TBC1D5: variants seen among roughly 807,000 people sequenced by gnomAD.
TBC1D5 encodes the protein TBC1 domain family member 5.
In TBC1D5, 75 loss-of-function variants were observed where a neutral mutation model predicts 100.3. That is an observed-to-expected ratio of 0.75 (90% confidence interval 0.62 to 0.91). The LOEUF is 0.91. Ranked by LOEUF, TBC1D5 falls within the 40% of genes least tolerant of loss-of-function variation. The pLI, the probability that TBC1D5 is intolerant of heterozygous loss-of-function variation, is 0.00. For missense variants in TBC1D5, 910 were observed against 942.4 expected (o/e 0.97, Z 0.45); for synonymous variants, 323 against 325.6 (o/e 0.99, Z 0.09).
chr3:17,227,739 T>C (rs577261440), intron 17 of TBC1D5, among the ~76,000 whole-genome samples: 1 of 152,072 alleles, frequency 6.6e-6, no homozygotes, highest in African/African-American at 2.4e-5. Flanking sequence ...AAAAAAACTA[T>C]TAGGTACTAG....
At chr3:17,738,416 CTAAT>C (rs1488540755) in intron 1 of TBC1D5, among the ~76,000 whole-genome samples, 1 of 152,066 alleles carries the variant, frequency 6.6e-6, no homozygotes, top group African/African-American at 2.4e-5. Context: ...CTCTCTCTCT[CTAAT>C]TCTCAAAGTT....
rs1287190627 is a variant in TBC1D5, at chr3:17,477,066, AAAG to A, written c.97+31405_97+31407del. Among the ~76,000 whole-genome samples, 5 of 152,062 alleles carry A rather than the reference AAAG, an allele frequency of 3.3e-5. No individual in the cohort carries two copies. The East Asian group carries it at 5.8e-4, about 18-fold the overall frequency. ...TTTTATAAATGTCCTTCTTCATATT[AAAG>A]AAGGTCTCCTCAATCCACAGTTTGT... On this transcript the variant is annotated intron_variant, in intron 3 of 21. Coordinates refer to ENST00000253692, the Ensembl canonical transcript of TBC1D5.
Position 17,606,943 on chromosome 3 carries a change from G to T in TBC1D5, c.-36+16906C>A, listed in dbSNP as rs530780195. On this transcript the variant is annotated intron_variant, in intron 2 of 21. Coordinates refer to ENST00000253692, the Ensembl canonical transcript of TBC1D5. ...TGAGAGGAAAAAAATGATAAGAAAT[G>T]GCTTAATCAAATTCCTTTACAATAA... Among the ~76,000 whole-genome samples the T allele has an allele frequency of 3.3e-5, 5 of 152,094 alleles. No homozygotes were observed. The East Asian group carries it at 9.7e-4, about 29-fold the overall frequency.
intron 2 of TBC1D5, among the ~76,000 whole-genome samples, chr3:17,548,686 C>G (rs1037652561): frequency 6.6e-6 from 1 of 151,906 alleles, no homozygotes; most frequent in Admixed American, 6.6e-5. Context: ...TTTATTCCTC[C>G]GTGTAACAAA....
At chr3:17,268,155 A>G (rs1031248435) in intron 15 of TBC1D5, among the ~76,000 whole-genome samples, 1 of 152,066 alleles carries the variant, frequency 6.6e-6, no homozygotes, top group African/African-American at 2.4e-5. Context: ...ATCTTATTCT[A>G]GACTCCATGT....
intron 15 of TBC1D5, among the ~76,000 whole-genome samples, chr3:17,280,028 C>G (rs758129405): frequency 2.0e-5 from 3 of 152,200 alleles, no homozygotes; most frequent in Admixed American, 6.5e-5. Flanking sequence ...TAATTAGTCA[C>G]TATTCATCCC....
chr3:17,731,719 G>A (rs2076572361), intron 1 of TBC1D5, among the ~76,000 whole-genome samples: 1 of 151,992 alleles, frequency 6.6e-6, no homozygotes, highest in South Asian at 2.1e-4. Context: ...GACACAATGG[G>A]TTCAAATCCA....
intron 1 of TBC1D5, among the ~76,000 whole-genome samples, chr3:17,718,498 G>A (rs2075423711): frequency 6.6e-6 from 1 of 152,164 alleles, no homozygotes; most frequent in Non-Finnish European, 1.5e-5. Flanking sequence ...TCGGGAGGCT[G>A]AGGCAGGAAA....
At chr3:17,356,006 G>A (rs2091183173) in intron 13 of TBC1D5, among the ~76,000 whole-genome samples, 1 of 152,074 alleles carries the variant, frequency 6.6e-6, no homozygotes, top group Non-Finnish European at 1.5e-5. Flanking sequence ...CAATGACCAT[G>A]CTTTAGAAAA....
chr3:17,456,228 C>T (rs1156769400), intron 3 of TBC1D5, among the ~76,000 whole-genome samples: 1 of 152,134 alleles, frequency 6.6e-6, no homozygotes, highest in East Asian at 1.9e-4. Flanking sequence ...CTCTCCAGGA[C>T]ATTGGTCTGG....
chr3:17,374,695 C>G lies in TBC1D5; in HGVS notation c.702-16G>C. 1 of 1,608,502 alleles carries G rather than the reference C, an allele frequency of 6.2e-7. No homozygotes were observed. Among genetic ancestry groups the G allele is most frequent in the Non-Finnish European group, 8.5e-7 (1 of 1,178,382 alleles). The stretch of plus-strand genomic sequence containing the variant: ...CATTTCCTCACTTAAAAAAGCAATA[C>G]AAGCAATCAAAATGTGTAATTTTTG... On this transcript the variant is annotated splice_polypyrimidine_tract_variant and intron_variant, in intron 10 of 21. Coordinates refer to ENST00000253692, the Ensembl canonical transcript of TBC1D5.
chr3:17,641,585 C>A (rs952291590), intron 1 of TBC1D5, among the ~76,000 whole-genome samples: 3 of 152,096 alleles, frequency 2.0e-5, no homozygotes, highest in African/African-American at 7.2e-5. Context: ...TTGCTACGCA[C>A]CTTCCTCCTC....
chr3:17,182,545 A>T (rs1258044213), intron 19 of TBC1D5, among the ~76,000 whole-genome samples: 3 of 152,204 alleles, frequency 2.0e-5, no homozygotes, highest in Non-Finnish European at 4.4e-5. Context: ...CAACTTGGGA[A>T]TTTCCTAGCA....
At chr3:17,592,218 A>C (rs2060272953) in intron 2 of TBC1D5, among the ~76,000 whole-genome samples, 1 of 152,184 alleles carries the variant, frequency 6.6e-6, no homozygotes, top group African/African-American at 2.4e-5. Flanking sequence ...TTTATGTCAT[A>C]ATCTTATTCG....
intron 14 of TBC1D5, among the ~76,000 whole-genome samples, chr3:17,295,815 G>A (rs2082197597): frequency 6.6e-6 from 1 of 152,068 alleles, no homozygotes; most frequent in East Asian, 1.9e-4. Context: ...CACTTATCAA[G>A]TACCTATAAT....
At chr3:17,511,232 G>T (rs1194038844) in intron 2 of TBC1D5, among the ~76,000 whole-genome samples, 1 of 151,862 alleles carries the variant, frequency 6.6e-6, no homozygotes, top group East Asian at 1.9e-4. Context: ...TTTGGCCCAT[G>T]GGCAACTATC....
rs551909999 is a variant in TBC1D5 at position 17,186,211 on chromosome 3, A to G, written c.1753-1003T>C. ...AGAATCCTCTGTATCACTAAAAAAG[A>G]AGGAAAAAAAAACCTACTAAGGTAT... On this transcript the variant is annotated intron_variant, in intron 18 of 21. Coordinates refer to ENST00000253692, the Ensembl canonical transcript of TBC1D5. Among the ~76,000 whole-genome samples the G allele has an allele frequency of 2.6e-5, 4 of 152,248 alleles. No homozygotes were observed. In the South Asian group the frequency reaches 8.3e-4, roughly 32 times the overall value.
chr3:17,278,895 G>A (rs1193500230), intron 15 of TBC1D5, among the ~76,000 whole-genome samples: 1 of 152,188 alleles, frequency 6.6e-6, no homozygotes, highest in Non-Finnish European at 1.5e-5. Flanking sequence ...TTAACCATGT[G>A]AGAAATTATG....
intron 1 of TBC1D5, among the ~76,000 whole-genome samples, chr3:17,698,221 C>A (rs867548783): frequency 6.6e-6 from 1 of 152,128 alleles, no homozygotes; most frequent in African/African-American, 2.4e-5. Flanking sequence ...CAGAACAGAG[C>A]CCTCAGAAAT....
Sources: gnomAD v4.1 joint callset for allele counts (sites outside exome capture counted in the v4.1 genomes callset) on GRCh38, gnomAD v4.1.1 for gene constraint, MANE v1.5 for transcripts, NCBI Gene and HGNC (gene_info 2026-07-23, HGNC 2026-07-21) for gene names.